The following HMGN5 variants were observed in gnomAD, a reference collection of about 807,000 sequenced individuals.
HMGN5 encodes high mobility group nucleosome binding domain 5, also known as high mobility group nucleosome-binding domain-containing protein 5.
A neutral mutation model predicts 9.5 loss-of-function variants in HMGN5; 4 were observed. That is an observed-to-expected ratio of 0.42 (90% CI 0.21 to 0.96). The LOEUF is 0.96. Among genes scored for constraint, HMGN5 ranks in the 40% least tolerant of loss-of-function variants. HMGN5 has a pLI of 0.30. For missense variants in HMGN5, 192 were observed against 187.5 expected (o/e 1.02, Z -0.14); for synonymous variants, 55 against 57.1 (o/e 0.96, Z 0.16).
At chrX:81,161,793 A>T (rs2075398198) in intron 1 of HMGN5, among the ~76,000 whole-genome samples, 1 of 111,277 alleles carries the variant, frequency 9.0e-6, no homozygotes, top group Non-Finnish European at 1.9e-5. Context: ...ACACCTAGTA[A>T]ACTTGATGAA....
At chrX:81,155,118 C>CACAT (rs1351409663) in intron 1 of HMGN5, among the ~76,000 whole-genome samples, 10 of 90,109 alleles carry the variant, frequency 1.1e-4, no homozygotes, top group African/African-American at 4.1e-4. Context: ...CACACATACA[C>CACAT]ATATATATAT....
intron 1 of HMGN5, among the ~76,000 whole-genome samples, chrX:81,190,490 C>A (rs2075491110): frequency 9.0e-6 from 1 of 111,090 alleles, no homozygotes; most frequent in African/African-American, 3.3e-5. Flanking sequence ...TCTTCCCAAA[C>A]CCTCACCACC....
intron 1 of HMGN5, among the ~76,000 whole-genome samples, chrX:81,140,565 A>G (rs200563198): frequency 0.12 from 11,585 of 98,545 alleles, 543 homozygotes; most frequent in East Asian, 0.56. Context: ...GTCTCAAAAA[A>G]AAAAAAAAAA....
chrX:81,178,487 A>C (rs778069702), intron 1 of HMGN5, among the ~76,000 whole-genome samples: 13 of 112,000 alleles, frequency 1.2e-4, no homozygotes, highest in African/African-American at 3.9e-4. Context: ...CTGGACACAT[A>C]CACCCTTCCA....
chrX:81,167,535 C>T lies in HMGN5; in HGVS notation c.-124+34202G>A, dbSNP rs1446127066. On this transcript the variant is annotated intron_variant, in intron 1 of 6. Transcript: ENST00000358130. The stretch of plus-strand genomic sequence containing the variant: ...ACAAAATAATTACTTTTCTAAATGC[C>T]ACATATTCTTATATTTATTTTTCTA... Among the ~76,000 whole-genome samples, 18 of 111,415 alleles carry T rather than the reference C, an allele frequency of 1.6e-4. No individual in the cohort carries two copies. The Admixed American group carries it at 1.7e-3, about 11-fold the overall frequency.
intron 1 of HMGN5, among the ~76,000 whole-genome samples, chrX:81,200,379 A>C (rs1028351054): frequency 8.9e-6 from 1 of 112,362 alleles, no homozygotes; most frequent in Non-Finnish European, 1.9e-5. Flanking sequence ...AAAGGATTAT[A>C]AATCTTTCTA....
intron 1 of HMGN5, among the ~76,000 whole-genome samples, chrX:81,166,953 C>T (rs931266444): frequency 3.6e-5 from 4 of 111,180 alleles, no homozygotes; most frequent in South Asian, 3.8e-4. Flanking sequence ...TTATTGTCTC[C>T]GACAACTTGC....
chrX:81,173,086 G>A (rs1296855625), intron 1 of HMGN5, among the ~76,000 whole-genome samples: 1 of 111,093 alleles, frequency 9.0e-6, no homozygotes, highest in Non-Finnish European at 1.9e-5. Flanking sequence ...TTGGTGTACT[G>A]TTTGGATTAA....
At chrX:81,143,681 T>A (rs189182179) in intron 1 of HMGN5, among the ~76,000 whole-genome samples, 3 of 112,455 alleles carry the variant, frequency 2.7e-5, no homozygotes, top group African/African-American at 9.7e-5. Flanking sequence ...AACTGGCAGA[T>A]CAGGAGATTC....
chrX:81,164,942 A>C (rs2075407111), intron 1 of HMGN5, among the ~76,000 whole-genome samples: 1 of 111,132 alleles, frequency 9.0e-6, no homozygotes, highest in South Asian at 3.8e-4. Context: ...AGTTTTTTTT[A>C]AACTGATGTA....
chrX:81,171,500 T>A (rs2075425727), intron 1 of HMGN5, among the ~76,000 whole-genome samples: 1 of 111,572 alleles, frequency 9.0e-6, no homozygotes, highest in Non-Finnish European at 1.9e-5. Flanking sequence ...CTTGACAACA[T>A]AATTTACTCA....
intron 1 of HMGN5, among the ~76,000 whole-genome samples, chrX:81,145,053 G>A (rs1365563435): frequency 8.9e-6 from 1 of 111,777 alleles, no homozygotes; most frequent in Non-Finnish European, 1.9e-5. Flanking sequence ...CGGGGAGAAT[G>A]GAACCAAGTT....
chrX:81,114,931 T>A lies in HMGN5; in HGVS notation c.567A>T (p.Gly189=), dbSNP rs1227635204. The change falls in exon 7 of 7, where the codon GGA becomes GGT. Residue 189 remains glycine (G), a synonymous_variant. Transcript: ENST00000358130. ...CTTTTTCATCTTCTCCTTTCTCTTT[T>A]CCATCTTCTCCATTTCCTTTTCCGT... The part of the protein sequence containing the change: ...GEDGKGNGED[G]KEKGEDEKEE... 1 of 1,159,903 alleles carries A rather than the reference T, an allele frequency of 8.6e-7. No individual in the cohort carries two copies. Among genetic ancestry groups the A allele is most frequent in the African/African-American group, 1.8e-5 (1 of 55,118 alleles).
At chrX:81,160,736 G>T (rs2075395813) in intron 1 of HMGN5, among the ~76,000 whole-genome samples, 1 of 111,500 alleles carries the variant, frequency 9.0e-6, no homozygotes, top group African/African-American at 3.3e-5. Flanking sequence ...ATTCCATGGT[G>T]TATATGTACC....
rs769157234 is a variant in HMGN5 at position 81,114,964 on chromosome X, T to C, written c.534A>G (p.Lys178=). The change falls in exon 7 of 7, where the codon AAA becomes AAG. Residue 178 remains lysine, a synonymous_variant. Coordinates refer to ENST00000358130, the MANE Select transcript of HMGN5 (RefSeq NM_030763.3). ...CTCCATTTCCTTTTCCGTCTTCACC[T>C]TTTTTTCCATCTTCTTTCTCTTTTG... ...EDAKEKEDGK[K]GEDGKGNGED... The C allele has an allele frequency of 7.0e-6, 8 of 1,150,581 alleles. No homozygotes were observed. In the South Asian group the frequency reaches 1.2e-4, roughly 18 times the overall value. The allele number at this position is 1,150,581 out of a possible 1,213,427, so 94.8% of individuals were successfully genotyped here. A position where few individuals can be genotyped will look rare whatever the true frequency, so the allele number is the denominator to read the frequency against.
At chrX:81,201,438 C>A (rs1003069945) in intron 1 of HMGN5, among the ~76,000 whole-genome samples, 1 of 111,728 alleles carries the variant, frequency 9.0e-6, no homozygotes, top group Non-Finnish European at 1.9e-5. Flanking sequence ...CATCTTTTTA[C>A]ACAATATTTT....
chrX:81,125,281 T>C (rs1333577652), intron 1 of HMGN5, among the ~76,000 whole-genome samples: 1 of 111,359 alleles, frequency 9.0e-6, no homozygotes, highest in African/African-American at 3.3e-5. Context: ...AACTATATAC[T>C]ATTGTCAGCA....
At chrX:81,151,030 T>A (rs373957182) in intron 1 of HMGN5, among the ~76,000 whole-genome samples, 3 of 111,584 alleles carry the variant, frequency 2.7e-5, no homozygotes. Context: ...CTATGAAAAA[T>A]TTAACTAAAT....
At chrX:81,119,858 T>A (rs1298049887) in intron 2 of HMGN5, 41 bp from the exon 3 acceptor site, 2 of 1,098,882 alleles carry the variant, frequency 1.8e-6, no homozygotes. Context: ...AGGTCATTGA[T>A]ATAAACACAT....
Sources: allele counts gnomAD v4.1 joint callset (sites outside exome capture counted in the v4.1 genomes callset), GRCh38; gene constraint gnomAD v4.1.1; transcripts MANE v1.5; gene names NCBI Gene and HGNC (gene_info 2026-07-23, HGNC 2026-07-21).